Variants in WASF2 observed in about 807,000 individuals in gnomAD.
WASF2 encodes the protein actin-binding protein WASF2.
Under a neutral mutation model 45.0 loss-of-function variants are expected in WASF2, and 14 were observed. The ratio of observed to expected loss-of-function variants is 0.31; its 90% CI spans 0.21 to 0.49. The LOEUF is 0.49. Ranked by LOEUF, WASF2 falls within the 20% of genes least tolerant of loss-of-function variation. WASF2 has a pLI of 0.99. For synonymous variants in WASF2, 200 were observed against 236.3 expected (o/e 0.85, Z 1.41); for missense variants, 439 against 636.1 (o/e 0.69, Z 3.33).
intron 2 of WASF2, among the ~76,000 whole-genome samples, chr1:27,427,683 G>A (rs960542204): frequency 6.6e-6 from 1 of 152,128 alleles, no homozygotes; most frequent in African/African-American, 2.4e-5. Flanking sequence ...ATAGAGTTCT[G>A]TCTCCTCAGC....
intron 1 of WASF2, among the ~76,000 whole-genome samples, chr1:27,460,890 G>A (rs1571153296): frequency 6.6e-6 from 1 of 152,154 alleles, no homozygotes; most frequent in South Asian, 2.1e-4. Context: ...TGTAATCCCA[G>A]CACTTTGGGA....
At chr1:27,460,246 G>T (rs1255871898) in intron 1 of WASF2, among the ~76,000 whole-genome samples, 1 of 151,986 alleles carries the variant, frequency 6.6e-6, no homozygotes, top group Non-Finnish European at 1.5e-5. Context: ...TGGGACAAGT[G>T]TTATAGAAAT....
intron 1 of WASF2, among the ~76,000 whole-genome samples, chr1:27,446,560 C>A (rs2017312009): frequency 1.3e-5 from 2 of 152,094 alleles, no homozygotes; most frequent in African/African-American, 2.4e-5. Context: ...GCAGGCAGAT[C>A]ACTTGAGCCC....
At chr1:27,445,674 C>A (rs1306305673) in intron 1 of WASF2, among the ~76,000 whole-genome samples, 1 of 152,170 alleles carries the variant, frequency 6.6e-6, no homozygotes, top group African/African-American at 2.4e-5. Context: ...AAAATCCCAG[C>A]CTCAGATAAC....
At chr1:27,421,413 C>T (rs2016906364) in intron 2 of WASF2, among the ~76,000 whole-genome samples, 2 of 152,120 alleles carry the variant, frequency 1.3e-5, no homozygotes, top group African/African-American at 4.8e-5. Flanking sequence ...CATGGTGGCT[C>T]ATGCCTGTAA....
chr1:27,467,457 C>T (rs1450608506), intron 1 of WASF2, among the ~76,000 whole-genome samples: 3 of 149,840 alleles, frequency 2.0e-5, no homozygotes, highest in African/African-American at 4.9e-5. Flanking sequence ...CCTGCCACCA[C>T]GCCCGGCTAA....
At chr1:27,455,326 G>C (rs1459979186) in intron 1 of WASF2, among the ~76,000 whole-genome samples, 1 of 152,044 alleles carries the variant, frequency 6.6e-6, no homozygotes, top group Non-Finnish European at 1.5e-5. Context: ...GCCAGCAGCT[G>C]CCTCCTAATA....
chr1:27,465,563 C>A (rs1403244931), intron 1 of WASF2, among the ~76,000 whole-genome samples: 1 of 152,164 alleles, frequency 6.6e-6, no homozygotes, highest in Non-Finnish European at 1.5e-5. Context: ...TGATGACCCA[C>A]AAAACCTATC....
chr1:27,437,810 T>C (rs1398668747), intron 1 of WASF2, among the ~76,000 whole-genome samples: 2 of 152,178 alleles, frequency 1.3e-5, no homozygotes, highest in Non-Finnish European at 2.9e-5. Context: ...CTTTCAGCCA[T>C]TGTCATCAAC....
chr1:27,468,306 T>G (rs2017642338), intron 1 of WASF2, among the ~76,000 whole-genome samples: 1 of 151,998 alleles, frequency 6.6e-6, no homozygotes, highest in Non-Finnish European at 1.5e-5. Context: ...CAACTTTGTT[T>G]CTTTAACAAC....
chr1:27,452,213 A>T (rs879880104), intron 1 of WASF2, among the ~76,000 whole-genome samples: 5 of 152,094 alleles, frequency 3.3e-5, no homozygotes, highest in African/African-American at 7.2e-5. Context: ...TATAGTTTTT[A>T]AAAAAATAGG....
At chr1:27,429,071 C>CT (rs918012962) in intron 1 of WASF2, 138 bp from the exon 2 acceptor site, 810 of 726,804 alleles carry the variant, frequency 1.1e-3, no homozygotes, top group Non-Finnish European at 1.3e-3. Flanking sequence ...TTCTCCCTAT[C>CT]TTTTTTTTTC....
chr1:27,489,924 G>A (rs2018007966), intron 1 of WASF2, 62 bp downstream of exon 1: 2 of 151,992 alleles, frequency 1.3e-5, no homozygotes, highest in South Asian at 2.1e-4. Context: ...GGCTCGGGAA[G>A]AGCGGCCCGG....
intron 1 of WASF2, among the ~76,000 whole-genome samples, chr1:27,443,296 ACAC>A (rs1310457946): frequency 7.3e-6 from 1 of 136,620 alleles, no homozygotes; most frequent in Non-Finnish European, 1.5e-5. Context: ...CAAGAGCAAG[ACAC>A]CGTCTCTTAA....
chr1:27,464,283 A>G (rs1470564707), intron 1 of WASF2, among the ~76,000 whole-genome samples: 1 of 152,002 alleles, frequency 6.6e-6, no homozygotes, highest in African/African-American at 2.4e-5. Context: ...CAGGAGGCTA[A>G]GGCAGGAGAA....
At chr1:27,437,187 G>T (rs923961967) in intron 1 of WASF2, among the ~76,000 whole-genome samples, 3 of 152,122 alleles carry the variant, frequency 2.0e-5, no homozygotes, top group African/African-American at 7.2e-5. Context: ...AAAATTGGGG[G>T]AATCTCTTTA....
intron 1 of WASF2, among the ~76,000 whole-genome samples, chr1:27,473,231 A>G (rs1429546055): frequency 6.6e-6 from 1 of 152,058 alleles, no homozygotes; most frequent in Non-Finnish European, 1.5e-5. Flanking sequence ...CTCTAATTCC[A>G]GCACTTTCAG....
At chr1:27,435,809 C>T (rs2017129775) in intron 1 of WASF2, among the ~76,000 whole-genome samples, 1 of 152,226 alleles carries the variant, frequency 6.6e-6, no homozygotes, top group Admixed American at 6.5e-5. Context: ...TTATTACTAG[C>T]TGTTCATGAC....
chr1:27,433,737 C>T (rs1472654253), intron 1 of WASF2, among the ~76,000 whole-genome samples: 1 of 152,218 alleles, frequency 6.6e-6, no homozygotes, highest in Non-Finnish European at 1.5e-5. Flanking sequence ...CCCTCAGCCC[C>T]ACCGGCTGCT....
Sources: gnomAD v4.1 joint callset for allele counts (sites outside exome capture counted in the v4.1 genomes callset) on GRCh38, gnomAD v4.1.1 for gene constraint, MANE v1.5 for transcripts, NCBI Gene and HGNC (gene_info 2026-07-23, HGNC 2026-07-21) for gene names.